PEBP4: variants seen among roughly 807,000 people sequenced by gnomAD.
PEBP4 encodes the protein phosphatidylethanolamine-binding protein 4.
In PEBP4, 22 loss-of-function variants were observed where a neutral mutation model predicts 23.9. The observed-to-expected ratio is 0.92, with a 90% CI of 0.66 to 1.31. The LOEUF (loss-of-function observed/expected upper bound fraction) is 1.31. Ranked by LOEUF, PEBP4 falls within the 40% of genes most tolerant of loss-of-function variation. The pLI is 0.00. For missense variants in PEBP4, 324 were observed against 281.7 expected, an observed-to-expected ratio of 1.15 and a Z score of -1.07; for synonymous variants, 112 against 99.3, an observed-to-expected ratio of 1.13 and a Z score of -0.76.
intron 4 of PEBP4, among the ~76,000 whole-genome samples, chr8:22,773,156 A>T (rs116711684): frequency 0.01 from 1,523 of 152,298 alleles, 24 homozygotes; most frequent in African/African-American, 0.034. Context: ...GAAAACACAT[A>T]GAGATAAATT....
intron 4 of PEBP4, among the ~76,000 whole-genome samples, chr8:22,776,066 G>T (rs1805808417): frequency 2.6e-5 from 4 of 152,086 alleles, no homozygotes; most frequent in Admixed American, 2.6e-4. Flanking sequence ...ACCTCTCCAG[G>T]GCCCTGGGGA....
At chr8:22,795,159 ATATATTTTTTTTTTTTTTTT>A (rs1806220620) in intron 4 of PEBP4, among the ~76,000 whole-genome samples, 1 of 28,530 alleles carries the variant, frequency 3.5e-5, no homozygotes, top group Admixed American at 5.2e-4. Flanking sequence ...ATATATATAT[ATATATTTTTTTTTTTTTTTT>A]TTTTTTTTTT....
intron 3 of PEBP4, among the ~76,000 whole-genome samples, chr8:22,843,879 A>C (rs1035520675): frequency 6.6e-6 from 1 of 152,156 alleles, no homozygotes; most frequent in African/African-American, 2.4e-5. Context: ...CGCTCCTCTC[A>C]TCTCTCCTCT....
chr8:22,824,782 T>C (rs914814412), intron 3 of PEBP4, among the ~76,000 whole-genome samples: 1 of 152,172 alleles, frequency 6.6e-6, no homozygotes, highest in Non-Finnish European at 1.5e-5. Context: ...GAGACTCTAA[T>C]GCCACAGCCA....
chr8:22,801,210 C>T (rs1384380658), intron 4 of PEBP4, among the ~76,000 whole-genome samples: 2 of 152,282 alleles, frequency 1.3e-5, no homozygotes, highest in African/African-American at 4.8e-5. Context: ...CCCCTAGTCA[C>T]AGCGGGGAGG....
chr8:22,759,159 G>A (rs899122867), intron 4 of PEBP4, among the ~76,000 whole-genome samples: 3 of 152,118 alleles, frequency 2.0e-5, no homozygotes, highest in Non-Finnish European at 2.9e-5. Context: ...GACGTGAGGC[G>A]CTGCAGACCT....
chr8:22,799,016 G>A (rs1036552715), intron 4 of PEBP4, among the ~76,000 whole-genome samples: 1 of 152,024 alleles, frequency 6.6e-6, no homozygotes, highest in Non-Finnish European at 1.5e-5. Flanking sequence ...GGGATTACAG[G>A]AGTTAGCCAC....
chr8:22,725,084 T>A, intron 5 of PEBP4, 128 bp from the exon 6 acceptor site: 1 of 644,526 alleles, frequency 1.6e-6, no homozygotes, highest in East Asian at 2.7e-5. Flanking sequence ...TGCAAAACAT[T>A]AGGATTTGTA....
intron 3 of PEBP4, among the ~76,000 whole-genome samples, chr8:22,866,824 T>C (rs1232829943): frequency 6.6e-6 from 1 of 152,012 alleles, no homozygotes; most frequent in Non-Finnish European, 1.5e-5. Context: ...AAAAAAGCAA[T>C]AAATGTTATT....
intron 3 of PEBP4, among the ~76,000 whole-genome samples, chr8:22,899,527 T>G (rs1249575958): frequency 6.6e-6 from 1 of 152,194 alleles, no homozygotes; most frequent in Non-Finnish European, 1.5e-5. Flanking sequence ...GTTCTTTAGG[T>G]GCACCCTGCT....
Position 22,806,134 on chromosome 8 carries a change from C to A in PEBP4, c.357+11503G>T, listed in dbSNP as rs192243788. Among the ~76,000 whole-genome samples, 21 of 152,320 alleles carry A rather than the reference C, an allele frequency of 1.4e-4. No homozygotes were observed. In the East Asian group the frequency reaches 2.9e-3, roughly 21 times the overall value. On this transcript the variant is annotated intron_variant, in intron 4 of 6. Transcript: ENST00000256404. ...ACCTCTGACATGCCAGATCTTCCCC[C>A]TTCTGTATGTGTGCAACTGATTTAG...
intron 6 of PEBP4, among the ~76,000 whole-genome samples, chr8:22,722,836 G>A (rs10110300): frequency 2.6e-5 from 4 of 151,100 alleles, no homozygotes; most frequent in African/African-American, 7.3e-5. Context: ...GTAGTGGCGC[G>A]ATCTCAGCTC....
At chr8:22,785,531 T>C (rs1414599175) in intron 4 of PEBP4, among the ~76,000 whole-genome samples, 2 of 152,162 alleles carry the variant, frequency 1.3e-5, no homozygotes, top group Non-Finnish European at 2.9e-5. Context: ...ATCCGCCATG[T>C]GCTCCCTGGC....
chr8:22,794,337 G>A (rs1806198358), intron 4 of PEBP4, among the ~76,000 whole-genome samples: 1 of 151,678 alleles, frequency 6.6e-6, no homozygotes, highest in African/African-American at 2.4e-5. Flanking sequence ...TGCTGCCCAA[G>A]TTGGAATGCA....
chr8:22,859,070 C>A (rs566760798), intron 3 of PEBP4, among the ~76,000 whole-genome samples: 1 of 152,348 alleles, frequency 6.6e-6, no homozygotes, highest in Non-Finnish European at 1.5e-5. Context: ...CTTCAAAAAA[C>A]CCAACATGCG....
intron 3 of PEBP4, among the ~76,000 whole-genome samples, chr8:22,838,300 G>C (rs1807248526): frequency 6.6e-6 from 1 of 152,020 alleles, no homozygotes. Context: ...AGACATATTT[G>C]TTGAAATGAA....
chr8:22,738,198 A>AT (rs543882768), intron 4 of PEBP4, among the ~76,000 whole-genome samples: 65 of 152,294 alleles, frequency 4.3e-4, no homozygotes, highest in African/African-American at 1.6e-3. Context: ...ATAGCTCCTA[A>AT]TGACACCATC....
chr8:22,769,912 G>A (rs145748449), intron 4 of PEBP4, among the ~76,000 whole-genome samples: 12 of 152,172 alleles, frequency 7.9e-5, no homozygotes, highest in African/African-American at 1.2e-4. Context: ...AGTCAGTCCC[G>A]GCCTGTGCTC....
chr8:22,826,523 G>C (rs1021811928), intron 3 of PEBP4, among the ~76,000 whole-genome samples: 2 of 152,072 alleles, frequency 1.3e-5, no homozygotes, highest in Non-Finnish European at 2.9e-5. Context: ...CATGAGCTGG[G>C]GATTGGTTAA....
Sources: allele counts gnomAD v4.1 joint callset (sites outside exome capture counted in the v4.1 genomes callset), GRCh38; gene constraint gnomAD v4.1.1; transcripts MANE v1.5; gene names NCBI Gene and HGNC (gene_info 2026-07-23, HGNC 2026-07-21).